VCF2: variants seen among roughly 807,000 people sequenced by gnomAD.
VCF2 encodes the protein protein VCF2.
At chrX:55,144,897 A>G in the VCF2 span, among the ~76,000 whole-genome samples, 4 of 112,687 alleles carry the variant, frequency 3.5e-5, no homozygotes, top group Admixed American at 3.7e-4. Flanking sequence ...TACCCTTTGC[A>G]TAGTCCAGGG....
chrX:55,160,742 C>T, the VCF2 span: 1 of 931,122 alleles, frequency 1.1e-6, no homozygotes, highest in South Asian at 2.2e-5. Context: ...TGCTAGGGTA[C>T]CTAGCAGCCT....
At chrX:55,158,511 A>C in the VCF2 span, among the ~76,000 whole-genome samples, 4 of 111,547 alleles carry the variant, frequency 3.6e-5, no homozygotes, top group South Asian at 1.5e-3. Flanking sequence ...ACAATAATTT[A>C]TTGTATATTT....
At chrX:55,160,709 A>G in the VCF2 span, 1 of 672,187 alleles carries the variant, frequency 1.5e-6, no homozygotes, top group East Asian at 3.5e-5. Flanking sequence ...GACAAAACCA[A>G]TCAGAGAAAC....
the VCF2 span, among the ~76,000 whole-genome samples, chrX:55,149,714 A>C: frequency 1.8e-5 from 2 of 111,873 alleles, no homozygotes; most frequent in Non-Finnish European, 3.8e-5. Flanking sequence ...CCCATTTCTT[A>C]ATTAAAGAAA....
chrX:55,143,226 C>A, the VCF2 span: 2 of 111,360 alleles, frequency 1.8e-5, no homozygotes, highest in Non-Finnish European at 3.8e-5. Flanking sequence ...CTCTCTAAGG[C>A]AGGAAATATG....
chrX:55,143,208 C>T, the VCF2 span: 1 of 110,950 alleles, frequency 9.0e-6, no homozygotes, highest in Non-Finnish European at 1.9e-5. Context: ...TTTTTATCAC[C>T]TTTTAAACTC....
chrX:55,151,129 A>G, the VCF2 span, among the ~76,000 whole-genome samples: 1 of 112,330 alleles, frequency 8.9e-6, no homozygotes, highest in Admixed American at 9.4e-5. Context: ...AAGTATACGT[A>G]GTTTATGGTA....
chrX:55,152,881 C>G, the VCF2 span, among the ~76,000 whole-genome samples: 1 of 111,510 alleles, frequency 9.0e-6, no homozygotes, highest in East Asian at 2.8e-4. Context: ...GAAAGTCACC[C>G]CTCTGCTCAC....
At chrX:55,161,121 G>A in the VCF2 span, 35 of 1,206,861 alleles carry the variant, frequency 2.9e-5, no homozygotes, top group South Asian at 4.5e-4. Context: ...GGCCGGAAAG[G>A]CCCCGACGAA....
the VCF2 span, among the ~76,000 whole-genome samples, chrX:55,144,857 G>A: frequency 6.2e-5 from 7 of 112,269 alleles, no homozygotes; most frequent in East Asian, 1.7e-3. Context: ...AGACTCTAAC[G>A]CATTTTTGTT....
chrX:55,146,117 G>A, the VCF2 span: 1 of 1,209,080 alleles, frequency 8.3e-7, no homozygotes, highest in African/African-American at 1.8e-5. Context: ...GCTGCAGGCT[G>A]TTGAAGTGAG....
At chrX:55,144,949 A>C in the VCF2 span, among the ~76,000 whole-genome samples, 1 of 112,804 alleles carries the variant, frequency 8.9e-6, no homozygotes, top group Non-Finnish European at 1.9e-5. Context: ...CACACAGCTC[A>C]CCACTGAGGA....
the VCF2 span, among the ~76,000 whole-genome samples, chrX:55,144,342 T>C: frequency 2.7e-5 from 3 of 111,735 alleles, no homozygotes; most frequent in Non-Finnish European, 5.6e-5. Flanking sequence ...ATCCTTTCTC[T>C]ATTTTCTGCC....
the VCF2 span, chrX:55,160,667 C>T: frequency 4.1e-6 from 2 of 491,930 alleles, no homozygotes; most frequent in Non-Finnish European, 6.7e-6. Context: ...TGATAAAGGT[C>T]CATAGAACCC....
chrX:55,159,260 C>T, the VCF2 span: 1 of 1,085,993 alleles, frequency 9.2e-7, no homozygotes, highest in Non-Finnish European at 1.3e-6. Context: ...AGAGTTGTTA[C>T]ATGAAACAAC....
the VCF2 span, among the ~76,000 whole-genome samples, chrX:55,147,655 T>TTG: frequency 1.0e-5 from 1 of 99,504 alleles, no homozygotes; most frequent in African/African-American, 3.7e-5. Context: ...TTTTTTTTTT[T>TTG]TTTTGTTACA....
At chrX:55,155,486 A>G in the VCF2 span, among the ~76,000 whole-genome samples, 1 of 112,007 alleles carries the variant, frequency 8.9e-6, no homozygotes, top group Non-Finnish European at 1.9e-5. Context: ...TGACAGAGAC[A>G]CTAAGTTGAT....
the VCF2 span, among the ~76,000 whole-genome samples, chrX:55,148,743 G>C: frequency 9.0e-6 from 1 of 111,247 alleles, no homozygotes; most frequent in African/African-American, 3.2e-5. Context: ...ATCAGTTAGA[G>C]CAACAAAATT....
the VCF2 span, among the ~76,000 whole-genome samples, chrX:55,149,871 C>A: frequency 8.9e-6 from 1 of 111,734 alleles, no homozygotes; most frequent in Non-Finnish European, 1.9e-5. Context: ...GAAATTAAGT[C>A]TCCTGTCTCA....
Sources: allele counts gnomAD v4.1 joint callset (sites outside exome capture counted in the v4.1 genomes callset), GRCh38; gene constraint gnomAD v4.1.1; transcripts MANE v1.5; gene names NCBI Gene and HGNC (gene_info 2026-07-23, HGNC 2026-07-21).